The following LYPLA1 variants were observed in gnomAD, a reference collection of about 807,000 sequenced individuals.
LYPLA1 encodes the protein lysophospholipase 1.
In LYPLA1, 17 loss-of-function variants were observed where a neutral mutation model predicts 34.0. The ratio of observed to expected loss-of-function variants is 0.50; its 90% CI spans 0.34 to 0.75. The LOEUF (loss-of-function observed/expected upper bound fraction) is 0.75, where lower values mean the gene tolerates loss of function less well. Among genes scored for constraint, LYPLA1 ranks in the 30% least tolerant of loss-of-function variants. The probability of loss-of-function intolerance (pLI) is 0.01; values close to 1 mark genes in which losing one functional copy is unlikely to be tolerated. For missense variants in LYPLA1, 203 were observed against 288.8 expected (o/e 0.70, Z 2.15); for synonymous variants, 98 against 100.8 (o/e 0.97, Z 0.17).
rs865882501 is a variant in LYPLA1, at chr8:54,101,905, G to C, written c.-82C>G. 9 of 854,776 alleles carry C rather than the reference G, an allele frequency of 1.1e-5. No individual in the cohort carries two copies. The highest frequency in any genetic ancestry group is 1.8e-5 in the African/African-American group (1 of 54,880). 52.9% of individuals were successfully genotyped at this position (854,776 alleles called of 1,614,324 possible). A position where few individuals can be genotyped will look rare whatever the true frequency, so the allele number is the denominator to read the frequency against. ...CAAGGGCGTGCGAGCGGCGAGTCCCGGCCGGCCCCACCGGGCGCACGCTCA... is the reference window on the plus strand; with the variant it reads ...CAAGGGCGTGCGAGCGGCGAGTCCCCGCCGGCCCCACCGGGCGCACGCTCA... On this transcript the variant is annotated 5_prime_UTR_variant, in exon 1 of 9. Coordinates refer to ENST00000316963, the MANE Select transcript of LYPLA1 (RefSeq NM_006330.4).
intron 2 of LYPLA1, among the ~76,000 whole-genome samples, chr8:54,098,542 G>A (rs1158003868): frequency 3.3e-5 from 5 of 152,142 alleles, no homozygotes; most frequent in South Asian, 2.1e-4. Context: ...TTAGCTGGAC[G>A]TGGTAGCACG....
At chr8:54,086,437 T>TAAAAAAAAAA (rs1808774324) in intron 2 of LYPLA1, among the ~76,000 whole-genome samples, 1 of 32,732 alleles carries the variant, frequency 3.1e-5, no homozygotes, top group East Asian at 9.8e-4. Flanking sequence ...ACTAAAAAAA[T>TAAAAAAAAAA]TAAAAAAAAA....
intron 2 of LYPLA1, among the ~76,000 whole-genome samples, chr8:54,075,481 G>A (rs1012040878): frequency 1.3e-5 from 2 of 152,170 alleles, no homozygotes; most frequent in African/African-American, 4.8e-5. Flanking sequence ...GATCCCAACT[G>A]TCATGAGCAA....
chr8:54,054,773 T>C (rs1384212382), intron 6 of LYPLA1: 1 of 266,010 alleles, frequency 3.8e-6, no homozygotes, highest in African/African-American at 2.2e-5. Flanking sequence ...CTATCAGTAG[T>C]CTCCTCCTAT....
chr8:54,089,647 T>C (rs1809075301), intron 2 of LYPLA1, among the ~76,000 whole-genome samples: 1 of 151,216 alleles, frequency 6.6e-6, no homozygotes, highest in African/African-American at 2.4e-5. Flanking sequence ...TTTTTTGAGA[T>C]AGGGTCTCAC....
rs1232138418 is a variant in LYPLA1 at position 54,094,679 on chromosome 8, G to A, written c.101+6229C>T. Among the ~76,000 whole-genome samples the A allele has an allele frequency of 2.0e-5, 3 of 152,120 alleles. 1 individual carries two copies. The highest frequency in any genetic ancestry group is 4.4e-5 in the Non-Finnish European group (3 of 68,040). On this transcript the variant is annotated intron_variant, in intron 2 of 8. Coordinates refer to ENST00000316963, the MANE Select transcript of LYPLA1 (RefSeq NM_006330.4). ...TCCAGATCTCACTGTCTACTAAAAGGAACCAGGGTTCTTGGAAAAATGGCT... is the reference window on the plus strand; with the variant it reads ...TCCAGATCTCACTGTCTACTAAAAGAAACCAGGGTTCTTGGAAAAATGGCT...
intron 2 of LYPLA1, among the ~76,000 whole-genome samples, chr8:54,090,950 T>C (rs777927234): frequency 2.0e-5 from 3 of 152,198 alleles, no homozygotes; most frequent in Non-Finnish European, 4.4e-5. Context: ...GCCTTCCACC[T>C]TTCCTGAGGC....
intron 2 of LYPLA1, among the ~76,000 whole-genome samples, chr8:54,090,045 G>A (rs1258623343): frequency 6.6e-6 from 1 of 152,228 alleles, no homozygotes; most frequent in East Asian, 1.9e-4. Context: ...CCTATGAATG[G>A]ATGTGCAATC....
At chr8:54,073,263 G>A in intron 2 of LYPLA1, 1 of 876,686 alleles carries the variant, frequency 1.1e-6, no homozygotes, top group Admixed American at 1.7e-5. Context: ...GTCTGAATGG[G>A]GGAACCTGCA....
At chr8:54,085,080 C>T (rs573840176) in intron 2 of LYPLA1, among the ~76,000 whole-genome samples, 67 of 152,296 alleles carry the variant, frequency 4.4e-4, no homozygotes, top group Non-Finnish European at 8.1e-4. Context: ...GCCGCCATCT[C>T]GGCTCACTGC....
intron 2 of LYPLA1, among the ~76,000 whole-genome samples, chr8:54,070,277 T>C (rs1807366638): frequency 6.6e-6 from 1 of 152,200 alleles, no homozygotes; most frequent in African/African-American, 2.4e-5. Context: ...ATCGTGCCAC[T>C]GCAGTCCAGC....
At chr8:54,082,795 C>T (rs1423636219) in intron 2 of LYPLA1, among the ~76,000 whole-genome samples, 6 of 152,196 alleles carry the variant, frequency 3.9e-5, no homozygotes, top group Middle Eastern at 3.4e-3. Flanking sequence ...GGCGCGATCT[C>T]GGCTCACTGC....
At chr8:54,090,794 A>T (rs1485231656) in intron 2 of LYPLA1, among the ~76,000 whole-genome samples, 1 of 152,142 alleles carries the variant, frequency 6.6e-6, no homozygotes, top group Non-Finnish European at 1.5e-5. Context: ...CAAGGGTGGG[A>T]CCAGGTAGAG....
intron 3 of LYPLA1, among the ~76,000 whole-genome samples, chr8:54,063,714 T>C (rs187515067): frequency 2.3e-3 from 346 of 152,320 alleles, no homozygotes; most frequent in African/African-American, 8.0e-3. Context: ...GATTCCGGTA[T>C]AGGGCTAAGG....
intron 2 of LYPLA1, among the ~76,000 whole-genome samples, chr8:54,069,135 T>C (rs1026490098): frequency 2.6e-5 from 4 of 152,214 alleles, no homozygotes; most frequent in Non-Finnish European, 4.4e-5. Context: ...CTCACTAGGA[T>C]GGCTATCAAT....
chr8:54,089,653 C>G (rs1050006154), intron 2 of LYPLA1, among the ~76,000 whole-genome samples: 12 of 149,624 alleles, frequency 8.0e-5, no homozygotes, highest in Non-Finnish European at 1.6e-4. Flanking sequence ...GAGATAGGGT[C>G]TCACTGTTGC....
chr8:54,089,494 G>GA (rs370387877), intron 2 of LYPLA1, among the ~76,000 whole-genome samples: 2 of 145,986 alleles, frequency 1.4e-5, no homozygotes, highest in African/African-American at 5.5e-5. Flanking sequence ...GACATCCCTG[G>GA]GGGGGGGCGG....
Position 54,051,010 on chromosome 8 carries a change from A to C in LYPLA1, c.639+2T>G, listed in dbSNP as rs1197888277. ...CGCTGATCACTGCTTCTAGACACCT[A>C]CCTGTTGACACGAACTGTGCATCAT... On this transcript the variant is annotated splice_donor_variant, in intron 8 of 8. Transcript: ENST00000316963. LOFTEE classifies it high-confidence loss of function. The C allele has an allele frequency of 1.2e-6, 2 of 1,602,278 alleles. No individual in the cohort carries two copies. The highest frequency in any genetic ancestry group is 2.2e-5 in the South Asian group (2 of 90,124).
At chr8:54,101,689 G>C (rs947310121) in intron 1 of LYPLA1, 66 bp downstream of exon 1, 1 of 1,216,740 alleles carries the variant, frequency 8.2e-7, no homozygotes, top group Admixed American at 4.1e-5. Flanking sequence ...CGCCCACCCC[G>C]CGCGAGGGGC....
Sources: gnomAD v4.1 joint callset for allele counts (sites outside exome capture counted in the v4.1 genomes callset) on GRCh38, gnomAD v4.1.1 for gene constraint, MANE v1.5 for transcripts, NCBI Gene and HGNC (gene_info 2026-07-23, HGNC 2026-07-21) for gene names.